The following CUL2 variants were observed in gnomAD, a reference collection of about 807,000 sequenced individuals.
CUL2 encodes the protein cullin 2, also known as cullin-2.
A neutral mutation model predicts 110.2 loss-of-function variants in CUL2; 22 were observed. That is an observed-to-expected ratio of 0.20 (90% CI 0.14 to 0.28). The LOEUF is 0.28. Among genes scored for constraint, CUL2 ranks in the 10% least tolerant of loss-of-function variants. CUL2 has a pLI of 1.00. For synonymous variants in CUL2, 279 were observed against 293.2 expected (o/e 0.95, Z 0.49); for missense variants, 631 against 905.5 (o/e 0.70, Z 3.89).
intron 18 of CUL2, among the ~76,000 whole-genome samples, chr10:35,014,934 T>A (rs1419313531): frequency 6.6e-6 from 1 of 152,092 alleles, no homozygotes; most frequent in African/African-American, 2.4e-5. Context: ...TAGAAAAAAA[T>A]ATAAAACCTT....
intron 1 of CUL2, among the ~76,000 whole-genome samples, chr10:35,085,695 T>TCAA (rs1184174938): frequency 1.4e-4 from 13 of 93,606 alleles, no homozygotes; most frequent in Admixed American, 1.2e-3. Flanking sequence ...AGACTCTGTC[T>TCAA]CAAAAAAAAA....
rs112265052 is a variant in CUL2 at position 35,080,055 on chromosome 10, A to C, written c.-22-8716T>G. ...GAGTTATTTCTGAAATTTTCCATTTAATATTTGCAGACCCCATTGACCGTG... is the reference window on the plus strand; with the variant it reads ...GAGTTATTTCTGAAATTTTCCATTTCATATTTGCAGACCCCATTGACCGTG... On this transcript the variant is annotated intron_variant, in intron 1 of 20. Coordinates refer to ENST00000374749, the MANE Select transcript of CUL2 (RefSeq NM_003591.4). Among the ~76,000 whole-genome samples, 944 of 152,342 alleles carry C rather than the reference A, an allele frequency of 6.2e-3. 12 individuals are homozygous for C. The highest frequency in any genetic ancestry group is 0.022 in the African/African-American group (894 of 41,574).
intron 1 of CUL2, among the ~76,000 whole-genome samples, chr10:35,106,622 A>G (rs2087460746): frequency 6.6e-6 from 1 of 151,530 alleles, no homozygotes; most frequent in Admixed American, 6.6e-5. Flanking sequence ...GTGAGCCACC[A>G]CACCGGGCCA....
At chr10:35,117,329 C>A (rs2087621060) in intron 1 of CUL2, among the ~76,000 whole-genome samples, 1 of 152,182 alleles carries the variant, frequency 6.6e-6, no homozygotes. Context: ...CCTAGTCTAT[C>A]TCACAGGCTC....
chr10:35,045,640 A>G (rs1432326479), intron 6 of CUL2, among the ~76,000 whole-genome samples: 2 of 151,794 alleles, frequency 1.3e-5, no homozygotes, highest in African/African-American at 4.8e-5. Context: ...GTTTGAGCCC[A>G]GGAGGAGTCG....
chr10:35,094,221 C>T (rs982689603), upstream of CUL2, among the ~76,000 whole-genome samples: 4 of 149,152 alleles, frequency 2.7e-5, no homozygotes, highest in African/African-American at 1.0e-4. Flanking sequence ...AACATAAGCT[C>T]TTCTAAGTCC....
chr10:35,052,355 G>C (rs967222236), intron 5 of CUL2, among the ~76,000 whole-genome samples: 1 of 152,126 alleles, frequency 6.6e-6, no homozygotes, highest in African/African-American at 2.4e-5. Context: ...CTTCTGAAAG[G>C]CAATGGGGCA....
At position 35,043,819 on chromosome 10, in the gene CUL2, C is replaced by A. The variant is rs375546107; in HGVS notation, c.714+747G>T. 2.2e-4 allele frequency among the ~76,000 whole-genome samples: 33 copies of A among 152,128 alleles called. No homozygotes were observed. The South Asian group carries it at 6.4e-3, about 30-fold the overall frequency. ...CAATGGCTCACATCTAAAATCCCAG[C>A]GCTTTGGGAGGCTGAGGCAGGAGGA... On this transcript the variant is annotated intron_variant, in intron 8 of 20. Transcript: ENST00000374749.
In CUL2 at chr10:35,031,309, G is replaced by A; in HGVS notation, c.1377C>T (p.Asn459=). 1 of 1,583,896 alleles carries A rather than the reference G, an allele frequency of 6.3e-7. No homozygotes were observed. Among genetic ancestry groups the A allele is most frequent in the Non-Finnish European group, 8.6e-7 (1 of 1,166,628 alleles). The stretch of plus-strand genomic sequence containing the variant: ...TAAAGACTTACATTACCTTTAATTT[G>A]TTGATCATGGCTTCTTCAGAGTCCA... ...MSMDSEEAMI[N]KLKQACGYEF... Residue 459 remains asparagine (N), a synonymous_variant, in exon 14 of 21, where the codon AAC becomes AAT. Transcript: ENST00000374749. This position sits in a 1 kb window ranked among gnomAD's most constrained non-coding sequence, Gnocchi z 4.4.
chr10:35,052,516 CAT>C (rs1265603984), intron 5 of CUL2, among the ~76,000 whole-genome samples: 1 of 152,128 alleles, frequency 6.6e-6, no homozygotes, highest in African/African-American at 2.4e-5. Flanking sequence ...TTGTATTCAA[CAT>C]ATATAACACA....
intron 1 of CUL2, among the ~76,000 whole-genome samples, chr10:35,122,750 G>A (rs79657867): frequency 0.15 from 22,978 of 152,166 alleles, 1,957 homozygotes; most frequent in East Asian, 0.24. Flanking sequence ...TGGTTCTCAT[G>A]CCTCGGGCTC....
In CUL2 at chr10:35,073,491, C is replaced by T. The variant is rs115493737; in HGVS notation, c.-22-2152G>A. On this transcript the variant is annotated intron_variant, in intron 1 of 20. Transcript: ENST00000374749. ...ATATTTACATTGTGTATACTGCAAGCCAAGCACTAGTCTAAGTACCCTGTA... is the reference window on the plus strand; with the variant it reads ...ATATTTACATTGTGTATACTGCAAGTCAAGCACTAGTCTAAGTACCCTGTA... Among the ~76,000 whole-genome samples the T allele has an allele frequency of 2.8e-3, 423 of 152,254 alleles. 1 individual carries two copies. Among genetic ancestry groups the T allele is most frequent in the African/African-American group, 9.9e-3 (412 of 41,564 alleles).
At chr10:35,010,468 C>T in intron 20 of CUL2, 26 bp from the exon 21 acceptor site, 1 of 1,581,694 alleles carries the variant, frequency 6.3e-7, no homozygotes, top group Non-Finnish European at 8.6e-7. Flanking sequence ...GGAAGTCAAA[C>T]TACTGCCAGT....
At chr10:35,119,781 G>T (rs2087656060) in intron 1 of CUL2, among the ~76,000 whole-genome samples, 1 of 151,918 alleles carries the variant, frequency 6.6e-6, no homozygotes, top group Admixed American at 6.6e-5. Context: ...TGTTGCCCAG[G>T]CTGATCTCGA....
intron 1 of CUL2, among the ~76,000 whole-genome samples, chr10:35,082,097 G>T (rs1011642544): frequency 2.0e-5 from 3 of 150,838 alleles, no homozygotes; most frequent in African/African-American, 7.3e-5. Context: ...AGGAGTTCAA[G>T]ACCAGCCTGG....
chr10:35,062,780 T>C (rs576129398), intron 3 of CUL2, among the ~76,000 whole-genome samples, 180 bp downstream of exon 3: 31 of 151,612 alleles, frequency 2.0e-4, no homozygotes, highest in Non-Finnish European at 3.7e-4. Context: ...GGGGCTGCAG[T>C]GAGCCATGAT....
intron 5 of CUL2, among the ~76,000 whole-genome samples, chr10:35,051,264 G>A (rs1327086045): frequency 6.6e-6 from 1 of 150,976 alleles, no homozygotes; most frequent in Non-Finnish European, 1.5e-5. Flanking sequence ...GCAGTGAGCC[G>A]AGATCGCGCC....
chr10:35,093,456 T>G (rs748127834), upstream of CUL2, among the ~76,000 whole-genome samples: 10 of 151,528 alleles, frequency 6.6e-5, no homozygotes, highest in Non-Finnish European at 1.5e-4. Flanking sequence ...TGTAGGAATT[T>G]GAGATCAGCC....
intron 1 of CUL2, among the ~76,000 whole-genome samples, chr10:35,114,800 CAG>C (rs1387930405): frequency 4.1e-5 from 6 of 144,782 alleles, no homozygotes; most frequent in Non-Finnish European, 9.0e-5. Context: ...ATAGAACTTC[CAG>C]AAATGAAAAT....
Sources: gnomAD v4.1 joint callset for allele counts (sites outside exome capture counted in the v4.1 genomes callset) on GRCh38, gnomAD v4.1.1 for gene constraint, Gnocchi (gnomAD v3.1) non-coding constraint, MANE v1.5 for transcripts, NCBI Gene and HGNC (gene_info 2026-07-23, HGNC 2026-07-21) for gene names.